GRIN2B: variants seen among roughly 807,000 people sequenced by gnomAD.
The protein encoded by GRIN2B is glutamate ionotropic receptor NMDA type subunit 2B.
A neutral mutation model predicts 114.5 loss-of-function variants in GRIN2B; 5 were observed. The ratio of observed to expected loss-of-function variants is 0.04; its 90% CI spans 0.02 to 0.09. GRIN2B has a LOEUF of 0.09. Ranked by LOEUF, GRIN2B falls within the 10% of genes least tolerant of loss-of-function variation. The pLI is 1.00. For synonymous variants in GRIN2B, 787 were observed against 745.1 expected, an observed-to-expected ratio of 1.06 and a Z score of -0.92; for missense variants, 1,108 against 1,943.5, an observed-to-expected ratio of 0.57 and a Z score of 8.08.
intron 10 of GRIN2B, among the ~76,000 whole-genome samples, chr12:13,602,145 C>G (rs545974061): frequency 2.6e-5 from 4 of 152,280 alleles, no homozygotes; most frequent in South Asian, 2.1e-4. Flanking sequence ...GTCCTCCCCC[C>G]TCTCATGTGC....
At position 13,896,621 on chromosome 12, in the gene GRIN2B, T is replaced by C. The variant is rs952605834; in HGVS notation, c.-18-30395A>G. Among the ~76,000 whole-genome samples, 39 of 152,310 alleles carry C rather than the reference T, an allele frequency of 2.6e-4. 1 individual carries two copies. Among genetic ancestry groups the C allele is most frequent in the Admixed American group, 2.2e-3 (34 of 15,298 alleles). ...CAAAACTCCATTCCATTTTTTAAAA[T>C]AATACTCATATGATGATCTCACAGC... is the stretch of plus-strand genomic sequence containing the variant. On this transcript the variant is annotated intron_variant, in intron 2 of 13. Transcript: ENST00000609686.
chr12:13,626,809 CCCTCCCCCCCA>C (rs369254707), intron 5 of GRIN2B, among the ~76,000 whole-genome samples: 2 of 1,498 alleles, frequency 1.3e-3, no homozygotes, highest in Non-Finnish European at 0.013. Flanking sequence ...CACTCTCCCC[CCCTCCCCCCCA>C]CCCTCCCCCC....
chr12:13,578,486 T>G (rs1383405945), intron 10 of GRIN2B, among the ~76,000 whole-genome samples: 1 of 152,130 alleles, frequency 6.6e-6, no homozygotes. Context: ...AGCCCTGGAC[T>G]TCTACCCATT....
At position 13,549,678 on chromosome 12, in the gene GRIN2B, A is replaced by G. The variant is rs572932071; in HGVS notation, c.*13105T>C. On this transcript the variant is annotated 3_prime_UTR_variant, in exon 14 of 14. Coordinates refer to ENST00000609686, the MANE Select transcript of GRIN2B (RefSeq NM_000834.5). Reference sequence around the variant, plus strand: ...CTTGAGTTTTTTATTTATGTGGATTACATGCTACCTAAAAAAAATTTTTAA... The same window carrying G: ...CTTGAGTTTTTTATTTATGTGGATTGCATGCTACCTAAAAAAAATTTTTAA... 7.9e-5 allele frequency: 12 copies of G among 152,282 alleles called. No homozygotes were observed. Among genetic ancestry groups the G allele is most frequent in the African/African-American group, 2.4e-4 (10 of 41,566 alleles). 9.4% of individuals were successfully genotyped at this position (152,282 alleles called of 1,614,324 possible). A position where few individuals can be genotyped will look rare whatever the true frequency, so the allele number is the denominator to read the frequency against.
chr12:13,665,392 C>G (rs1476979969), intron 5 of GRIN2B, among the ~76,000 whole-genome samples: 1 of 152,156 alleles, frequency 6.6e-6, no homozygotes, highest in Non-Finnish European at 1.5e-5. Context: ...CATTTCTTAA[C>G]ACGTAGTTTT....
In GRIN2B at chr12:13,979,996, C is replaced by A. The variant is rs200642013; in HGVS notation, c.-87G>T. ...AGTGAGCATGTTGGGAATGTCCAGT[C>A]CCTTCTTCTCGCTTGCATATCCACA... On this transcript the variant is annotated 5_prime_UTR_variant, in exon 2 of 14. Transcript: ENST00000609686. 6.6e-6 allele frequency: 1 copy of A among 152,138 alleles called. No individual in the cohort carries two copies. Among genetic ancestry groups the A allele is most frequent in the African/African-American group, 2.4e-5 (1 of 41,426 alleles). 9.4% of individuals were successfully genotyped at this position (152,138 alleles called of 1,614,324 possible). A position where few individuals can be genotyped will look rare whatever the true frequency, so the allele number is the denominator to read the frequency against.
chr12:13,839,546 CT>C (rs1164006626), intron 3 of GRIN2B, among the ~76,000 whole-genome samples: 1 of 152,206 alleles, frequency 6.6e-6, no homozygotes, highest in Non-Finnish European at 1.5e-5. Context: ...TCTCATGTAT[CT>C]CATTTCAGTC....
intron 4 of GRIN2B, among the ~76,000 whole-genome samples, chr12:13,677,829 C>G (rs139732548): frequency 1.3e-5 from 2 of 152,040 alleles, no homozygotes; most frequent in Admixed American, 6.6e-5. Context: ...ATGAGAGTTT[C>G]TCAAGTATTT....
Position 13,898,465 on chromosome 12 carries a change from C to T in GRIN2B, c.-18-32239G>A, listed in dbSNP as rs560867996. The stretch of plus-strand genomic sequence containing the variant: ...CTGATTCTCAGGCTAGTGCTTTTAA[C>T]CACAGGCACTTCTCTTAGTTGACAT... On this transcript the variant is annotated intron_variant, in intron 2 of 13. Coordinates refer to ENST00000609686, the MANE Select transcript of GRIN2B (RefSeq NM_000834.5). Among the ~76,000 whole-genome samples the T allele has an allele frequency of 1.4e-4, 22 of 152,320 alleles. No individual in the cohort carries two copies. In the South Asian group the frequency reaches 4.3e-3, roughly 30 times the overall value.
At chr12:13,788,035 T>C (rs1470856159) in intron 3 of GRIN2B, among the ~76,000 whole-genome samples, 3 of 152,174 alleles carry the variant, frequency 2.0e-5, no homozygotes, top group Non-Finnish European at 2.9e-5. Flanking sequence ...CTTAAGACCT[T>C]TTGGGACTGA....
chr12:13,575,248 A>G (rs1282200969), intron 10 of GRIN2B, among the ~76,000 whole-genome samples: 1 of 152,232 alleles, frequency 6.6e-6, no homozygotes, highest in African/African-American at 2.4e-5. Context: ...TTAAAATCAT[A>G]AAAAAGATAA....
intron 3 of GRIN2B, among the ~76,000 whole-genome samples, chr12:13,798,279 A>G (rs1378881668): frequency 1.3e-5 from 2 of 149,024 alleles, no homozygotes; most frequent in Non-Finnish European, 1.5e-5. Flanking sequence ...AGGAAATAGT[A>G]TCATTCATTC....
At chr12:13,960,178 G>C (rs1016945999) in intron 2 of GRIN2B, among the ~76,000 whole-genome samples, 1 of 152,114 alleles carries the variant, frequency 6.6e-6, no homozygotes, top group Non-Finnish European at 1.5e-5. Context: ...TGTCCTTTGA[G>C]AGGAAAAACA....
At chr12:13,671,379 A>C (rs1046361291) in intron 5 of GRIN2B, among the ~76,000 whole-genome samples, 1 of 152,200 alleles carries the variant, frequency 6.6e-6, no homozygotes, top group African/African-American at 2.4e-5. Context: ...TCTGATTTCC[A>C]AAACCACAGA....
At chr12:13,887,028 A>G (rs1044141436) in intron 2 of GRIN2B, among the ~76,000 whole-genome samples, 2 of 152,216 alleles carry the variant, frequency 1.3e-5, no homozygotes, top group African/African-American at 4.8e-5. Context: ...TGGCTACTAA[A>G]TGGAGGAGCT....
At position 13,553,358 on chromosome 12, in the gene GRIN2B, C is replaced by T. The variant is rs892819369; in HGVS notation, c.*9425G>A. 1 of 152,214 alleles carries T rather than the reference C, an allele frequency of 6.6e-6. No homozygotes were observed. The highest frequency in any genetic ancestry group is 2.4e-5 in the African/African-American group (1 of 41,454). 9.4% of individuals were successfully genotyped at this position (152,214 alleles called of 1,614,324 possible). A position where few individuals can be genotyped will look rare whatever the true frequency, so the allele number is the denominator to read the frequency against. On this transcript the variant is annotated 3_prime_UTR_variant, in exon 14 of 14. Transcript: ENST00000609686. The stretch of plus-strand genomic sequence containing the variant: ...GACTAGCATTCTCTCTGAGCCAGCT[C>T]ATTCAAATCCTAACTTACTTTCATT...
chr12:13,785,518 C>T (rs1220032102), intron 3 of GRIN2B, among the ~76,000 whole-genome samples: 1 of 152,138 alleles, frequency 6.6e-6, no homozygotes, highest in Non-Finnish European at 1.5e-5. Context: ...AGCATGTCTC[C>T]TACTCTCTCA....
At chr12:13,627,522 C>T (rs765576708) in intron 5 of GRIN2B, among the ~76,000 whole-genome samples, 4 of 152,198 alleles carry the variant, frequency 2.6e-5, no homozygotes, top group East Asian at 1.9e-4. Flanking sequence ...CATTTATCAT[C>T]GCCAATTTCT....
intron 4 of GRIN2B, among the ~76,000 whole-genome samples, chr12:13,738,962 A>T (rs768050091): frequency 9.2e-5 from 14 of 152,196 alleles, no homozygotes; most frequent in Non-Finnish European, 1.6e-4. Flanking sequence ...GACACAAGGA[A>T]CTCAAAACAC....
Sources: allele counts gnomAD v4.1 joint callset (sites outside exome capture counted in the v4.1 genomes callset), GRCh38; gene constraint gnomAD v4.1.1; transcripts MANE v1.5; gene names NCBI Gene and HGNC (gene_info 2026-07-23, HGNC 2026-07-21).